Variants in CA10 observed in about 807,000 individuals in gnomAD.
The protein encoded by CA10 is carbonic anhydrase-related protein 10.
CA10 carries 14 observed loss-of-function variants against 44.2 expected under a neutral mutation model. The ratio of observed to expected loss-of-function variants is 0.32; its 90% confidence interval spans 0.21 to 0.50. The LOEUF is 0.50. CA10 is among the 20% of genes least tolerant of loss of function. CA10 has a pLI of 0.99. For missense variants in CA10, 350 were observed against 409.7 expected (o/e 0.85, Z 1.26); for synonymous variants, 159 against 141.6 (o/e 1.12, Z -0.87).
intron 3 of CA10, among the ~76,000 whole-genome samples, chr17:51,865,816 G>C (rs979309023): frequency 6.6e-5 from 10 of 152,176 alleles, no homozygotes; most frequent in Admixed American, 5.9e-4. Flanking sequence ...TCATATCTTA[G>C]TGAATGTGAA....
intron 3 of CA10, among the ~76,000 whole-genome samples, chr17:51,841,790 C>T (rs1978321508): frequency 6.6e-6 from 1 of 152,146 alleles, no homozygotes; most frequent in African/African-American, 2.4e-5. Flanking sequence ...GCAAGGTGTC[C>T]ACAGGTCAGG....
rs554008983 is a variant in CA10, at chr17:51,711,963, G to A, written c.465+35670C>T. On this transcript the variant is annotated intron_variant, in intron 4 of 8. Coordinates refer to ENST00000451037, the MANE Select transcript of CA10 (RefSeq NM_020178.5). ...CTGGGGGAGAGGGGCAGCGGCTACC[G>A]ATGGGATCTGGGCAGGAGGTCTACA... Among the ~76,000 whole-genome samples the A allele has an allele frequency of 4.6e-5, 7 of 152,286 alleles. No homozygotes were observed. The East Asian group carries it at 5.8e-4, about 13-fold the overall frequency.
At chr17:52,040,965 T>A (rs1986752230) in intron 2 of CA10, among the ~76,000 whole-genome samples, 1 of 151,914 alleles carries the variant, frequency 6.6e-6, no homozygotes, top group African/African-American at 2.4e-5. Flanking sequence ...GAGTTTGTAT[T>A]CCCAACAGGT....
At chr17:51,845,373 A>G (rs1384602848) in intron 3 of CA10, among the ~76,000 whole-genome samples, 2 of 152,186 alleles carry the variant, frequency 1.3e-5, no homozygotes, top group African/African-American at 4.8e-5. Flanking sequence ...AGCAGCCTGC[A>G]GAGAGGCCCC....
chr17:52,119,489 T>C lies in CA10; in HGVS notation c.61+38237A>G, dbSNP rs142784716. Among the ~76,000 whole-genome samples the C allele has an allele frequency of 3.1e-3, 471 of 152,226 alleles. 15 individuals are homozygous for C. Among genetic ancestry groups the C allele is most frequent in the Admixed American group, 0.027 (407 of 15,300 alleles). ...CCCATGGTAAGTAAAGAATGTTGCTTTCTAACAAGTCCAGGAATCACATGT... is the reference window on the plus strand; with the variant it reads ...CCCATGGTAAGTAAAGAATGTTGCTCTCTAACAAGTCCAGGAATCACATGT... On this transcript the variant is annotated intron_variant, in intron 1 of 8. Transcript: ENST00000451037.
chr17:51,933,289 A>G (rs1473409877), intron 2 of CA10, among the ~76,000 whole-genome samples: 3 of 152,158 alleles, frequency 2.0e-5, no homozygotes, highest in Non-Finnish European at 4.4e-5. Flanking sequence ...GGTGGGCCCA[A>G]TGTAATCACA....
intron 3 of CA10, among the ~76,000 whole-genome samples, chr17:51,823,354 A>T (rs1907889515): frequency 6.6e-6 from 1 of 152,224 alleles, no homozygotes; most frequent in African/African-American, 2.4e-5. Flanking sequence ...GCAGCCCTCC[A>T]GTTCCAGCCA....
intron 1 of CA10, among the ~76,000 whole-genome samples, chr17:52,124,274 T>C (rs1989072447): frequency 6.6e-6 from 1 of 152,198 alleles, no homozygotes; most frequent in African/African-American, 2.4e-5. Flanking sequence ...CTCATAACAA[T>C]TCTATGAAGA....
chr17:51,986,886 G>C (rs1216955392), intron 2 of CA10, among the ~76,000 whole-genome samples: 1 of 151,998 alleles, frequency 6.6e-6, no homozygotes, highest in Non-Finnish European at 1.5e-5. Context: ...TGCTGAACAG[G>C]GAACACTTCT....
chr17:51,732,168 C>A (rs1454542173), intron 4 of CA10, among the ~76,000 whole-genome samples: 1 of 152,170 alleles, frequency 6.6e-6, no homozygotes, highest in Non-Finnish European at 1.5e-5. Context: ...TGAGCCCACC[C>A]TGTGATTTTT....
intron 4 of CA10, among the ~76,000 whole-genome samples, chr17:51,674,031 C>T (rs1013015506): frequency 2.6e-5 from 4 of 152,220 alleles, no homozygotes; most frequent in African/African-American, 9.6e-5. Flanking sequence ...AGGCTTCACC[C>T]TCCAGGTAGA....
intron 2 of CA10, among the ~76,000 whole-genome samples, chr17:51,962,039 C>T (rs1264953498): frequency 6.6e-6 from 1 of 152,072 alleles, no homozygotes; most frequent in African/African-American, 2.4e-5. Flanking sequence ...TGTGCAGAGA[C>T]TGTGGTGAAG....
chr17:51,793,123 A>G (rs1317929115), intron 3 of CA10, among the ~76,000 whole-genome samples: 3 of 152,176 alleles, frequency 2.0e-5, no homozygotes. Flanking sequence ...TCTATGGCCA[A>G]TGCAGAGGAC....
chr17:51,826,313 C>T lies in CA10; in HGVS notation c.280-78495G>A, dbSNP rs147645416. Among the ~76,000 whole-genome samples, 299 of 152,326 alleles carry T rather than the reference C, an allele frequency of 2.0e-3. 2 individuals are homozygous for T. Among genetic ancestry groups the T allele is most frequent in the African/African-American group, 7.1e-3 (295 of 41,566 alleles). ...TTCATCATTGACATGGTGGAAATTG[C>T]ACCAGGTTGGTTCCGGGAAATTCTG... On this transcript the variant is annotated intron_variant, in intron 3 of 8. Coordinates refer to ENST00000451037, the MANE Select transcript of CA10 (RefSeq NM_020178.5).
intron 3 of CA10, among the ~76,000 whole-genome samples, chr17:51,868,091 C>T (rs1979632882): frequency 6.7e-6 from 1 of 148,268 alleles, no homozygotes; most frequent in Non-Finnish European, 1.5e-5. Flanking sequence ...CACACACACA[C>T]ACACAAAGAT....
rs182802151 is a variant in CA10, at chr17:52,141,750, G to A, written c.61+15976C>T. 4.6e-5 allele frequency among the ~76,000 whole-genome samples: 7 copies of A among 152,270 alleles called. No individual in the cohort carries two copies. In the East Asian group the frequency reaches 1.4e-3, roughly 29 times the overall value. ...TCTGAGTTGTGTTATATCTAGAAGG[G>A]ACTTGGTGGTTTAGGGAAGAGAAAA... is the stretch of plus-strand genomic sequence containing the variant. On this transcript the variant is annotated intron_variant, in intron 1 of 8. Coordinates refer to ENST00000451037, the MANE Select transcript of CA10 (RefSeq NM_020178.5).
chr17:52,097,564 C>T (rs982487836), intron 1 of CA10, among the ~76,000 whole-genome samples: 1 of 152,144 alleles, frequency 6.6e-6, no homozygotes, highest in African/African-American at 2.4e-5. Context: ...TGGTTTTGCA[C>T]TCTGGGTTGA....
At chr17:52,043,591 T>C (rs887014010) in intron 2 of CA10, among the ~76,000 whole-genome samples, 5 of 152,144 alleles carry the variant, frequency 3.3e-5, no homozygotes, top group African/African-American at 9.6e-5. Context: ...TCCAGTACTA[T>C]ATTGAATAAA....
chr17:51,890,338 C>T (rs575144297), intron 3 of CA10, among the ~76,000 whole-genome samples: 13 of 152,190 alleles, frequency 8.5e-5, no homozygotes, highest in Admixed American at 3.3e-4. Context: ...GTTGTGGGTT[C>T]GTAAATTCTC....
Sources: gnomAD v4.1 joint callset for allele counts (sites outside exome capture counted in the v4.1 genomes callset) on GRCh38, gnomAD v4.1.1 for gene constraint, MANE v1.5 for transcripts, NCBI Gene and HGNC (gene_info 2026-07-23, HGNC 2026-07-21) for gene names.